ENTREP2: variants seen among roughly 807,000 people sequenced by gnomAD.
The protein encoded by ENTREP2 is protein ENTREP2.
the ENTREP2 span, among the ~76,000 whole-genome samples, chr15:29,246,348 C>T: frequency 6.8e-6 from 1 of 146,874 alleles, no homozygotes; most frequent in African/African-American, 2.5e-5. Flanking sequence ...GCCGTGATGG[C>T]ACCACTGCAC....
the ENTREP2 span, among the ~76,000 whole-genome samples, chr15:29,369,429 GA>G: frequency 3.9e-4 from 57 of 146,406 alleles, no homozygotes; most frequent in East Asian, 7.9e-3. Context: ...CAAATGGCAA[GA>G]AAAAAAAAAG....
the ENTREP2 span, among the ~76,000 whole-genome samples, chr15:29,156,861 G>A: frequency 3.9e-5 from 6 of 152,260 alleles, no homozygotes; most frequent in East Asian, 1.9e-4. Flanking sequence ...TGGCTCATGC[G>A]AGGCGGGAGG....
chr15:29,271,458 G>C, the ENTREP2 span, among the ~76,000 whole-genome samples: 2 of 152,210 alleles, frequency 1.3e-5, no homozygotes, highest in Non-Finnish European at 2.9e-5. Flanking sequence ...CAACAAGGAA[G>C]TAAAACCAAA....
the ENTREP2 span, among the ~76,000 whole-genome samples, chr15:29,397,183 G>C: frequency 6.6e-6 from 1 of 152,130 alleles, no homozygotes; most frequent in Non-Finnish European, 1.5e-5. Context: ...TTGAGGTCAG[G>C]AGCTCGAGGA....
chr15:29,287,285 T>C, the ENTREP2 span, among the ~76,000 whole-genome samples: 1 of 151,742 alleles, frequency 6.6e-6, no homozygotes, highest in Non-Finnish European at 1.5e-5. Flanking sequence ...ATCCTTGTTC[T>C]CGGCTTTGCA....
chr15:29,652,642 T>C, the ENTREP2 span, among the ~76,000 whole-genome samples: 1 of 151,740 alleles, frequency 6.6e-6, no homozygotes, highest in Non-Finnish European at 1.5e-5. Flanking sequence ...ACTACTGCAT[T>C]CCCCCCAGGG....
chr15:29,318,831 T>C, the ENTREP2 span, among the ~76,000 whole-genome samples: 245 of 152,326 alleles, frequency 1.6e-3, 2 homozygotes, highest in Non-Finnish European at 2.5e-3. Flanking sequence ...GTTGGCTTAG[T>C]GCAAAAGATG....
chr15:29,288,799 T>C, the ENTREP2 span, among the ~76,000 whole-genome samples: 1 of 152,304 alleles, frequency 6.6e-6, no homozygotes, highest in African/African-American at 2.4e-5. Context: ...ATTAAGCACA[T>C]AACACATAAC....
the ENTREP2 span, among the ~76,000 whole-genome samples, chr15:29,607,060 T>C: frequency 2.0e-5 from 3 of 152,184 alleles, no homozygotes; most frequent in Non-Finnish European, 2.9e-5. Flanking sequence ...CTCGAATTCC[T>C]GGCCTCAAGT....
chr15:29,343,584 CTT>C, the ENTREP2 span, among the ~76,000 whole-genome samples: 10 of 147,406 alleles, frequency 6.8e-5, no homozygotes, highest in Admixed American at 3.3e-4. Context: ...CTCTCTCTCT[CTT>C]TCTCTCTCTT....
chr15:29,655,136 G>T, the ENTREP2 span, among the ~76,000 whole-genome samples: 1 of 152,274 alleles, frequency 6.6e-6, no homozygotes, highest in South Asian at 2.1e-4. Flanking sequence ...TAGCACCTTT[G>T]GTAGAGCGTG....
chr15:29,645,533 T>C, the ENTREP2 span, among the ~76,000 whole-genome samples: 2 of 152,042 alleles, frequency 1.3e-5, no homozygotes, highest in East Asian at 3.9e-4. Flanking sequence ...CCAGTCGTTT[T>C]TCTCATGTGA....
chr15:29,251,763 T>TA, the ENTREP2 span, among the ~76,000 whole-genome samples: 1 of 149,302 alleles, frequency 6.7e-6, no homozygotes, highest in Admixed American at 6.6e-5. Flanking sequence ...TTTTTTTTTT[T>TA]AGCTCATCAG....
At chr15:29,429,153 G>GTCCATCCA in the ENTREP2 span, among the ~76,000 whole-genome samples, 3 of 151,072 alleles carry the variant, frequency 2.0e-5, no homozygotes, top group Non-Finnish European at 4.4e-5. Context: ...ATGTCTATCT[G>GTCCATCCA]TCCATCCATC....
chr15:29,216,527 G>A, the ENTREP2 span, among the ~76,000 whole-genome samples: 1 of 152,040 alleles, frequency 6.6e-6, no homozygotes, highest in Non-Finnish European at 1.5e-5. Context: ...GCAAGGCTGG[G>A]GAAAATTTTC....
the ENTREP2 span, chr15:29,265,804 C>T: frequency 6.6e-6 from 1 of 152,106 alleles, no homozygotes; most frequent in Non-Finnish European, 1.5e-5. Flanking sequence ...GCTAGGCTAT[C>T]CATATAGGAA....
the ENTREP2 span, among the ~76,000 whole-genome samples, chr15:29,597,995 A>C: frequency 6.6e-6 from 1 of 152,086 alleles, no homozygotes; most frequent in African/African-American, 2.4e-5. Context: ...CATGGCATGC[A>C]CCGTGTAGTC....
At chr15:29,482,394 G>C in the ENTREP2 span, among the ~76,000 whole-genome samples, 2 of 152,096 alleles carry the variant, frequency 1.3e-5, no homozygotes, top group Non-Finnish European at 2.9e-5. Flanking sequence ...TTCACTCTTG[G>C]TGTTGTACAT....
At chr15:29,626,547 T>G in the ENTREP2 span, among the ~76,000 whole-genome samples, 2 of 152,242 alleles carry the variant, frequency 1.3e-5, no homozygotes, top group Non-Finnish European at 2.9e-5. Flanking sequence ...ATCTTGAGTA[T>G]GTCTTTATTA....
Sources: gnomAD v4.1 joint callset for allele counts (sites outside exome capture counted in the v4.1 genomes callset) on GRCh38, gnomAD v4.1.1 for gene constraint, MANE v1.5 for transcripts, NCBI Gene and HGNC (gene_info 2026-07-23, HGNC 2026-07-21) for gene names.